PUDP: variants seen among roughly 807,000 people sequenced by gnomAD.
PUDP encodes pseudouridine-5'-phosphatase.
In PUDP, 8 loss-of-function variants were observed where a neutral mutation model predicts 9.4. That is an observed-to-expected ratio of 0.85 (90% CI 0.50 to 1.53). The LOEUF (loss-of-function observed/expected upper bound fraction) is 1.53, where lower values mean the gene tolerates loss of function less well. PUDP is among the 40% of genes most tolerant of loss of function. The pLI, the probability that PUDP is intolerant of heterozygous loss-of-function variation, is 0.00. For missense variants in PUDP, 188 were observed against 189.7 expected, an observed-to-expected ratio of 0.99 and a Z score of 0.05; for synonymous variants, 99 against 80.7, an observed-to-expected ratio of 1.23 and a Z score of -1.22.
At chrX:7,033,969 C>T (rs1408777670) in intron 1 of PUDP, among the ~76,000 whole-genome samples, 2 of 112,157 alleles carry the variant, frequency 1.8e-5, no homozygotes, top group Non-Finnish European at 3.8e-5. Flanking sequence ...GGAGATGGTA[C>T]TGAAGCAGCA....
chrX:7,016,825 G>A lies in PUDP; in HGVS notation c.205-38482C>T, dbSNP rs774582929. On this transcript the variant is annotated intron_variant and NMD_transcript_variant, in intron 1 of 3. Coordinates refer to the PUDP transcript ENST00000655425. ...GAATAATTCTCATGCAAGCAAAGAC[G>A]TGGTGTTTGGCTGGCCACAACCCCA... 2.9e-4 allele frequency among the ~76,000 whole-genome samples: 32 copies of A among 110,975 alleles called. No individual in the cohort carries two copies. The South Asian group carries it at 9.7e-3, about 34-fold the overall frequency.
intron 3 of PUDP, among the ~76,000 whole-genome samples, chrX:7,059,204 A>C (rs932320107): frequency 9.0e-6 from 1 of 111,516 alleles, no homozygotes; most frequent in Non-Finnish European, 1.9e-5. Flanking sequence ...TTACTCAATA[A>C]AAGTACATTA....
At chrX:6,774,652 G>A (rs935067052) in intron 3 of PUDP, among the ~76,000 whole-genome samples, 1 of 111,951 alleles carries the variant, frequency 8.9e-6, no homozygotes, top group Non-Finnish European at 1.9e-5. Flanking sequence ...TTTCTGACAA[G>A]CTCCCAGGTA....
In PUDP at chrX:7,125,740, C is replaced by T. The variant is rs750460754; in HGVS notation, c.62-19902G>A. ...CAATCATGGCAGAAGATGAAAGGCA[C>T]ATCTCACTTGGCGGCAGACGTGACA... On this transcript the variant is annotated intron_variant, in intron 1 of 3. Coordinates refer to ENST00000381077, the MANE Select transcript of PUDP (RefSeq NM_012080.5). Among the ~76,000 whole-genome samples, 9 of 111,959 alleles carry T rather than the reference C, an allele frequency of 8.0e-5. No homozygotes were observed. In the South Asian group the frequency reaches 3.0e-3, roughly 38 times the overall value.
At chrX:7,092,661 G>A (rs778190311) in intron 2 of PUDP, among the ~76,000 whole-genome samples, 2 of 111,764 alleles carry the variant, frequency 1.8e-5, no homozygotes, top group South Asian at 3.8e-4. Flanking sequence ...AGGTCCCACC[G>A]TATAGAAGTG....
intron 3 of PUDP, among the ~76,000 whole-genome samples, chrX:6,789,289 C>A (rs1925698690): frequency 1.1e-5 from 1 of 95,174 alleles, no homozygotes; most frequent in African/African-American, 3.9e-5. Flanking sequence ...GACTCTGTCT[C>A]TAAATAAATA....
intron 1 of PUDP, among the ~76,000 whole-genome samples, chrX:7,004,299 T>G (rs1006653399): frequency 3.1e-4 from 34 of 110,424 alleles, no homozygotes; most frequent in Non-Finnish European, 5.7e-4. Context: ...CTAAGCCTCA[T>G]TTTTTTTTGT....
chrX:7,039,829 T>C (rs1284656916), intron 1 of PUDP, among the ~76,000 whole-genome samples: 1 of 112,344 alleles, frequency 8.9e-6, no homozygotes, highest in Non-Finnish European at 1.9e-5. Flanking sequence ...TTTATCTTTA[T>C]AGGTGCTGCT....
At chrX:7,137,500 T>C (rs756577271) in intron 1 of PUDP, among the ~76,000 whole-genome samples, 2 of 111,423 alleles carry the variant, frequency 1.8e-5, no homozygotes, top group African/African-American at 3.3e-5. Context: ...TGAGCCGAGA[T>C]CGCACCACTG....
chrX:7,014,348 T>C (rs1233619123), intron 1 of PUDP, among the ~76,000 whole-genome samples: 1 of 110,386 alleles, frequency 9.1e-6, no homozygotes, highest in African/African-American at 3.3e-5. Context: ...TACCCAGTAT[T>C]TCCCTGTCTC....
intron 1 of PUDP, among the ~76,000 whole-genome samples, chrX:6,715,037 C>T (rs978014917): frequency 1.5e-4 from 16 of 108,718 alleles, no homozygotes; most frequent in African/African-American, 5.4e-4. Context: ...TAAGGACATA[C>T]ATCCTTATAA....
chrX:7,098,534 G>T (rs1330901355), intron 2 of PUDP, among the ~76,000 whole-genome samples: 1 of 111,506 alleles, frequency 9.0e-6, no homozygotes, highest in African/African-American at 3.3e-5. Flanking sequence ...AGATTTGGGG[G>T]ACACATTCAG....
intron 3 of PUDP, among the ~76,000 whole-genome samples, chrX:6,933,851 C>A (rs1474705239): frequency 3.6e-5 from 4 of 111,069 alleles, no homozygotes; most frequent in African/African-American, 1.3e-4. Flanking sequence ...GCCCCAGGAG[C>A]CGATGCGATC....
chrX:7,018,778 A>T (rs1245520106), intron 1 of PUDP, among the ~76,000 whole-genome samples: 1 of 111,642 alleles, frequency 9.0e-6, no homozygotes, highest in Non-Finnish European at 1.9e-5. Flanking sequence ...CTCCATCTTG[A>T]GTGAGGGCTA....
At chrX:6,900,598 A>AGG (rs1406410963) in intron 3 of PUDP, among the ~76,000 whole-genome samples, 2 of 108,362 alleles carry the variant, frequency 1.8e-5, no homozygotes, top group African/African-American at 6.8e-5. Flanking sequence ...AGAAAGAGAG[A>AGG]GAGAGAGAGA....
chrX:6,773,654 G>A (rs1182786046), intron 3 of PUDP, among the ~76,000 whole-genome samples: 1 of 111,070 alleles, frequency 9.0e-6, no homozygotes, highest in Non-Finnish European at 1.9e-5. Context: ...TTGAGGAGTA[G>A]CTAAAACAGG....
At chrX:6,863,985 G>A (rs962168136) in intron 3 of PUDP, among the ~76,000 whole-genome samples, 2 of 111,377 alleles carry the variant, frequency 1.8e-5, no homozygotes, top group African/African-American at 6.5e-5. Context: ...AGTTGATAGA[G>A]TGGGGTCTGT....
intron 3 of PUDP, among the ~76,000 whole-genome samples, chrX:6,767,180 G>T (rs1036924951): frequency 8.8e-6 from 1 of 113,180 alleles, no homozygotes; most frequent in African/African-American, 3.2e-5. Flanking sequence ...GAATTATTTA[G>T]TGGAATTATT....
At chrX:6,841,016 C>T (rs1002926400) in intron 3 of PUDP, among the ~76,000 whole-genome samples, 14 of 112,134 alleles carry the variant, frequency 1.2e-4, no homozygotes, top group African/African-American at 2.6e-4. Flanking sequence ...CGGAGGCTCA[C>T]GCCTGTAATC....
Sources: allele counts gnomAD v4.1 joint callset (sites outside exome capture counted in the v4.1 genomes callset), GRCh38; gene constraint gnomAD v4.1.1; transcripts MANE v1.5; gene names NCBI Gene and HGNC (gene_info 2026-07-23, HGNC 2026-07-21).